The following LEPR variants were observed in gnomAD, a reference collection of about 807,000 sequenced individuals.
The protein encoded by LEPR is OB receptor.
A neutral mutation model predicts 114.7 loss-of-function variants in LEPR; 56 were observed. That is an observed-to-expected ratio of 0.49 (90% CI 0.39 to 0.61). LEPR has a LOEUF of 0.61. LEPR is among the 20% of genes least tolerant of loss of function. The pLI is 0.00. For missense variants in LEPR, 1,202 were observed against 1,352.9 expected, an observed-to-expected ratio of 0.89 and a Z score of 1.75; for synonymous variants, 443 against 461.4, an observed-to-expected ratio of 0.96 and a Z score of 0.51.
At chr1:65,581,803 G>T (rs1655008334) in intron 5 of LEPR, among the ~76,000 whole-genome samples, 1 of 152,100 alleles carries the variant, frequency 6.6e-6, no homozygotes, top group African/African-American at 2.4e-5. Flanking sequence ...ACACTTGCTG[G>T]AAATCTCCTT....
chr1:65,597,164 T>C (rs1656120914), intron 7 of LEPR, among the ~76,000 whole-genome samples: 1 of 152,030 alleles, frequency 6.6e-6, no homozygotes, highest in Non-Finnish European at 1.5e-5. Context: ...ACCATGATGT[T>C]TTTGCTTAGT....
rs1658802361 is a variant in LEPR at position 65,639,328 on chromosome 1, G to A, written c.*2313G>A. The A allele has an allele frequency of 6.6e-6, 1 of 152,166 alleles. No homozygotes were observed. 9.4% of individuals were successfully genotyped at this position (152,166 alleles called of 1,614,324 possible). A position where few individuals can be genotyped will look rare whatever the true frequency, so the allele number is the denominator to read the frequency against. ...ACTTCAGAAATATTGAAATTCCAAG[G>A]CACTATTTCATGGACAGTGCTGAAC... On this transcript the variant is annotated 3_prime_UTR_variant, in exon 20 of 20. Transcript: ENST00000349533.
chr1:65,551,715 C>T (rs1461035958), intron 2 of LEPR, among the ~76,000 whole-genome samples: 1 of 152,044 alleles, frequency 6.6e-6, no homozygotes, highest in East Asian at 1.9e-4. Flanking sequence ...TTCAGTTCTG[C>T]CCTGATCTTA....
chr1:65,588,271 C>T (rs1655453048), intron 5 of LEPR, among the ~76,000 whole-genome samples: 1 of 151,710 alleles, frequency 6.6e-6, no homozygotes, highest in African/African-American at 2.4e-5. Context: ...TTTTTATGCC[C>T]TGTATTTGGT....
rs776480086 is a variant in LEPR, at chr1:65,636,193, A to G, written c.2676A>G (p.Pro892=). The G allele has an allele frequency of 1.9e-6, 3 of 1,613,758 alleles. No individual in the cohort carries two copies. In the Admixed American group the frequency reaches 5.0e-5, roughly 27 times the overall value. ...TTAAAATGTGTCTTTTCTTTTAGCC[A>G]GAAACGTTTGAGCATCTTTTTATCA... ...SWAQGLNFQK[P]ETFEHLFIKH... The change falls in exon 20 of 20, where the codon CCA becomes CCG. Residue 892 remains proline, a splice_region_variant and synonymous_variant. Coordinates refer to ENST00000349533, the MANE Select transcript of LEPR (RefSeq NM_002303.6).
intron 5 of LEPR, chr1:65,578,259 A>C (rs1178003327): frequency 4.6e-6 from 1 of 216,552 alleles, no homozygotes; most frequent in Non-Finnish European, 9.6e-6. Context: ...ATAGTGGATG[A>C]GCACATTCTT....
rs575112453 is a variant in LEPR, at chr1:65,549,935, T to A, written c.-20-15611T>A. On this transcript the variant is annotated intron_variant, in intron 2 of 19. Coordinates refer to ENST00000349533, the MANE Select transcript of LEPR (RefSeq NM_002303.6). ...TTTTCTGCTCTGTTTTTTCCCCATC[T>A]TTGTGGTTTTATCTACTTTTGGTCT... is the stretch of plus-strand genomic sequence containing the variant. Among the ~76,000 whole-genome samples, 205 of 152,300 alleles carry A rather than the reference T, an allele frequency of 1.3e-3. 4 individuals are homozygous for A. In the East Asian group the frequency reaches 0.036, roughly 27 times the overall value.
At chr1:65,593,947 T>A (rs1421078367) in intron 6 of LEPR, among the ~76,000 whole-genome samples, 2 of 152,108 alleles carry the variant, frequency 1.3e-5, no homozygotes. Flanking sequence ...TTTTTCAAAA[T>A]GAAGTAGGTA....
At chr1:65,528,007 C>T (rs1337217300) in intron 2 of LEPR, among the ~76,000 whole-genome samples, 2 of 152,074 alleles carry the variant, frequency 1.3e-5, no homozygotes, top group Non-Finnish European at 2.9e-5. Flanking sequence ...AGGCTCTGTT[C>T]CTCCTTTGTA....
chr1:65,531,965 A>G (rs572085927), intron 2 of LEPR, among the ~76,000 whole-genome samples: 1 of 152,276 alleles, frequency 6.6e-6, no homozygotes, highest in African/African-American at 2.4e-5. Flanking sequence ...AATGCCACAC[A>G]TTTTTAGTGT....
At chr1:65,523,592 T>A (rs1035210635) in intron 2 of LEPR, among the ~76,000 whole-genome samples, 1 of 152,242 alleles carries the variant, frequency 6.6e-6, no homozygotes, top group Non-Finnish European at 1.5e-5. Context: ...ATTACAGGCA[T>A]GAGCCACCAT....
At chr1:65,495,162 A>G (rs1271750617) in intron 2 of LEPR, among the ~76,000 whole-genome samples, 1 of 152,178 alleles carries the variant, frequency 6.6e-6, no homozygotes, top group East Asian at 1.9e-4. Context: ...CAACCTATAC[A>G]TCCGATAAGG....
chr1:65,430,143 T>C (rs1570432374), intron 2 of LEPR: 2 of 1,116,572 alleles, frequency 1.8e-6, no homozygotes, highest in East Asian at 5.2e-5. Context: ...TTACTTAGGC[T>C]TTATACTCAA....
At position 65,619,924 on chromosome 1, in the gene LEPR, T is replaced by C; in HGVS notation, c.2396-4T>C. ...ATGAGCCTTTTACGTATTTTTCTCCTCAGATCATTTTATCCCCATTGAGAA... is the reference window on the plus strand; with the variant it reads ...ATGAGCCTTTTACGTATTTTTCTCCCCAGATCATTTTATCCCCATTGAGAA... On this transcript the variant is annotated splice_polypyrimidine_tract_variant and splice_region_variant and intron_variant, in intron 16 of 19. Coordinates refer to ENST00000349533, the MANE Select transcript of LEPR (RefSeq NM_002303.6). 6.2e-7 allele frequency: 1 copy of C among 1,610,008 alleles called. No homozygotes were observed. Among genetic ancestry groups the C allele is most frequent in the Non-Finnish European group, 8.5e-7 (1 of 1,176,724 alleles).
intron 2 of LEPR, among the ~76,000 whole-genome samples, chr1:65,466,733 C>CT (rs1463986771): frequency 1.3e-5 from 2 of 152,142 alleles, no homozygotes; most frequent in East Asian, 3.9e-4. Context: ...TCTTTTTACT[C>CT]TTTTTTCTCT....
At chr1:65,553,060 T>C (rs1270247472) in intron 2 of LEPR, among the ~76,000 whole-genome samples, 2 of 152,234 alleles carry the variant, frequency 1.3e-5, no homozygotes, top group African/African-American at 4.8e-5. Context: ...CTCTTCTGGC[T>C]TGTAGAGTTT....
At chr1:65,473,848 A>G (rs1330617714) in intron 2 of LEPR, among the ~76,000 whole-genome samples, 1 of 152,200 alleles carries the variant, frequency 6.6e-6, no homozygotes, top group Non-Finnish European at 1.5e-5. Context: ...CCCCTACATC[A>G]TGTTTGTAAA....
chr1:65,548,999 G>A lies in LEPR; in HGVS notation c.-20-16547G>A, dbSNP rs576664667. 8.3e-3 allele frequency among the ~76,000 whole-genome samples: 1,269 copies of A among 152,100 alleles called. 4 individuals carry two copies. Among genetic ancestry groups the A allele is most frequent in the Middle Eastern group, 0.017 (5 of 294 alleles). ...TCCTTCAGGAGCTCTTTCAGGGCAG[G>A]CCTGGTGGTGACAAAATCTCTCAGC... On this transcript the variant is annotated intron_variant, in intron 2 of 19. Transcript: ENST00000349533.
intron 2 of LEPR, among the ~76,000 whole-genome samples, chr1:65,445,770 A>G (rs1048656431): frequency 2.6e-5 from 4 of 151,672 alleles, no homozygotes; most frequent in Admixed American, 2.6e-4. Context: ...GAACTTAAGA[A>G]ATTTCAACTA....
Sources: gnomAD v4.1 joint callset for allele counts (sites outside exome capture counted in the v4.1 genomes callset) on GRCh38, gnomAD v4.1.1 for gene constraint, MANE v1.5 for transcripts, NCBI Gene and HGNC (gene_info 2026-07-23, HGNC 2026-07-21) for gene names.